DPP6: variants seen among roughly 807,000 people sequenced by gnomAD.
The protein encoded by DPP6 is A-type potassium channel modulatory protein DPP6.
DPP6 carries 69 observed loss-of-function variants against 122.6 expected under a neutral mutation model. The observed-to-expected ratio is 0.56, with a 90% CI of 0.46 to 0.69. The LOEUF (loss-of-function observed/expected upper bound fraction) is 0.69, where lower values mean the gene tolerates loss of function less well. Ranked by LOEUF, DPP6 falls within the 30% of genes least tolerant of loss-of-function variation. The probability of loss-of-function intolerance (pLI) is 0.00; values close to 1 mark genes in which losing one functional copy is unlikely to be tolerated. For missense variants in DPP6, 928 were observed against 1,116.9 expected (o/e 0.83, Z 2.41); for synonymous variants, 418 against 433.1 (o/e 0.97, Z 0.43).
chr7:154,140,464 GT>G (rs1363104291), intron 1 of DPP6, among the ~76,000 whole-genome samples: 4 of 86,756 alleles, frequency 4.6e-5, no homozygotes, highest in Non-Finnish European at 1.1e-4. Flanking sequence ...TGGTTTTGGG[GT>G]TTGTTTGTTT....
intron 1 of DPP6, among the ~76,000 whole-genome samples, chr7:154,227,231 C>CACACACACACACACACACACA (rs10525068): frequency 3.3e-5 from 5 of 150,700 alleles, no homozygotes; most frequent in Non-Finnish European, 5.9e-5. Context: ...CACACACACA[C>CACACACACACACACACACACA]CCCTAGGAAT....
chr7:154,061,172 A>G (rs370568975), intron 1 of DPP6, among the ~76,000 whole-genome samples: 2 of 148,672 alleles, frequency 1.3e-5, no homozygotes, highest in East Asian at 1.9e-4. Flanking sequence ...GGTTTTGTAG[A>G]CTGTGGATCC....
intron 8 of DPP6, among the ~76,000 whole-genome samples, chr7:154,767,929 A>T (rs79619020): frequency 0.062 from 9,500 of 152,244 alleles, 331 homozygotes; most frequent in Middle Eastern, 0.11. Flanking sequence ...AAGATGAGGA[A>T]GACTCACGTG....
chr7:154,661,589 C>G (rs1837654923), intron 6 of DPP6, among the ~76,000 whole-genome samples: 2 of 132,508 alleles, frequency 1.5e-5, no homozygotes, highest in African/African-American at 2.9e-5. Flanking sequence ...GGCGTATTGG[C>G]CGTAGTGTTC....
intron 1 of DPP6, among the ~76,000 whole-genome samples, chr7:153,923,996 A>G (rs903009685): frequency 6.6e-6 from 1 of 152,160 alleles, no homozygotes; most frequent in Non-Finnish European, 1.5e-5. Context: ...TGCTTTTCAA[A>G]TCCATGAACA....
At chr7:154,164,672 CT>C (rs1797153621) in intron 1 of DPP6, among the ~76,000 whole-genome samples, 2 of 152,156 alleles carry the variant, frequency 1.3e-5, no homozygotes, top group Admixed American at 6.5e-5. Context: ...TGCTTTCTGT[CT>C]CTGTGGATTT....
At chr7:154,377,235 G>A (rs182067461) in intron 1 of DPP6, among the ~76,000 whole-genome samples, 67 of 152,230 alleles carry the variant, frequency 4.4e-4, no homozygotes, top group Non-Finnish European at 8.4e-4. Flanking sequence ...GAACAGTGCC[G>A]GAGGAAATGT....
intron 1 of DPP6, among the ~76,000 whole-genome samples, chr7:154,266,025 A>G (rs1015191721): frequency 3.9e-5 from 6 of 152,182 alleles, no homozygotes; most frequent in Non-Finnish European, 8.8e-5. Context: ...TTGTAGACTC[A>G]TCCCCCTCCC....
At chr7:154,858,811 C>A (rs146163075) in intron 17 of DPP6, among the ~76,000 whole-genome samples, 7 of 152,298 alleles carry the variant, frequency 4.6e-5, no homozygotes, top group African/African-American at 1.4e-4. Flanking sequence ...GCCCCTTAGC[C>A]CCCAGGCAGC....
At chr7:154,719,165 GA>G (rs1841665278) in intron 7 of DPP6, among the ~76,000 whole-genome samples, 1 of 152,142 alleles carries the variant, frequency 6.6e-6, no homozygotes, top group Admixed American at 6.5e-5. Context: ...CTCGAGTACA[GA>G]GGCTACTGTG....
intron 1 of DPP6, among the ~76,000 whole-genome samples, chr7:154,297,062 TG>T (rs1805582446): frequency 2.4e-5 from 2 of 84,866 alleles, no homozygotes; most frequent in Non-Finnish European, 2.5e-5. Flanking sequence ...AAATGTATTC[TG>T]TTTTTTTTTT....
intron 1 of DPP6, among the ~76,000 whole-genome samples, chr7:154,298,345 A>G (rs62475062): frequency 0.33 from 49,917 of 151,672 alleles, 8,286 homozygotes; most frequent in Admixed American, 0.39. Flanking sequence ...TTCATCTAGA[A>G]GGCTCCGGGG....
At chr7:153,871,945 A>G in the DPP6 span, among the ~76,000 whole-genome samples, 1,204 of 152,346 alleles carry the variant, frequency 7.9e-3, 14 homozygotes, top group African/African-American at 0.027. Flanking sequence ...CGCTGCGAAT[A>G]TGGACTGCAG....
At chr7:154,135,712 C>A (rs1169009450) in intron 1 of DPP6, among the ~76,000 whole-genome samples, 1 of 151,338 alleles carries the variant, frequency 6.6e-6, no homozygotes, top group African/African-American at 2.4e-5. Flanking sequence ...TCCTGTAGCA[C>A]CACTTTCTCT....
intron 1 of DPP6, among the ~76,000 whole-genome samples, chr7:154,442,739 C>T (rs1371108113): frequency 2.0e-5 from 3 of 152,066 alleles, no homozygotes; most frequent in African/African-American, 4.8e-5. Context: ...AAATATATCC[C>T]GACACCTAGG....
At chr7:154,104,879 A>C (rs930615974) in intron 1 of DPP6, among the ~76,000 whole-genome samples, 20 of 151,544 alleles carry the variant, frequency 1.3e-4, no homozygotes, top group African/African-American at 4.1e-4. Flanking sequence ...GTGTGCCTAC[A>C]TAACAAACAC....
chr7:153,920,559 C>CTTTTTTTT lies in DPP6; in HGVS notation c.51+32826_51+32827insTTTTTTTT, dbSNP rs1277103780. 2.2e-4 allele frequency among the ~76,000 whole-genome samples: 4 copies of CTTTTTTTT among 18,012 alleles called. No homozygotes were observed. The East Asian group carries it at 0.018, about 79-fold the overall frequency. The allele number at this position is 18,012 out of a possible 152,430, so 11.8% of individuals were successfully genotyped here. ...GGTAGTCAACCTTTTTCTTTTATCT[C>CTTTTTTTT]TCTCTTTTTTTTTTTTTTTTTGAGA... On this transcript the variant is annotated intron_variant, in intron 1 of 25. Coordinates refer to the DPP6 transcript ENST00000404039.
intron 1 of DPP6, among the ~76,000 whole-genome samples, chr7:154,367,528 C>A (rs186406027): frequency 6.6e-6 from 1 of 152,266 alleles, no homozygotes. Context: ...GGTGTATGTT[C>A]ATGTGCTTTA....
At chr7:153,840,048 T>G in the DPP6 span, among the ~76,000 whole-genome samples, 7 of 152,222 alleles carry the variant, frequency 4.6e-5, no homozygotes, top group South Asian at 2.1e-4. Context: ...GGAGTCCTTA[T>G]GAGAGATAGA....
Sources: gnomAD v4.1 joint callset for allele counts (sites outside exome capture counted in the v4.1 genomes callset) on GRCh38, gnomAD v4.1.1 for gene constraint, MANE v1.5 for transcripts, NCBI Gene and HGNC (gene_info 2026-07-23, HGNC 2026-07-21) for gene names.